Variants in VSX2 observed in about 807,000 individuals in gnomAD.
The protein encoded by VSX2 is ceh-10 homeo domain containing homolog.
In VSX2, 28 loss-of-function variants were observed where a neutral mutation model predicts 32.1. That is an observed-to-expected ratio of 0.87 (90% CI 0.65 to 1.20). The LOEUF (loss-of-function observed/expected upper bound fraction) is 1.20. VSX2 is among the 50% of genes most tolerant of loss of function. The probability of loss-of-function intolerance (pLI) is 0.00; values close to 1 mark genes in which losing one functional copy is unlikely to be tolerated. For missense variants in VSX2, 506 were observed against 488.7 expected (o/e 1.04, Z -0.33); for synonymous variants, 243 against 214.1 (o/e 1.14, Z -1.18).
intron 3 of VSX2, among the ~76,000 whole-genome samples, chr14:74,250,213 G>C (rs182493456): frequency 6.7e-6 from 1 of 150,336 alleles, no homozygotes; most frequent in East Asian, 2.0e-4. Context: ...CCTCAGCCTG[G>C]GTGACACAGC....
rs1386791741 is a variant in VSX2, at chr14:74,248,719, G to A, written c.579+3431G>A. Among the ~76,000 whole-genome samples, 20 of 146,762 alleles carry A rather than the reference G, an allele frequency of 1.4e-4. 1 individual carries two copies. The highest frequency in any genetic ancestry group is 6.8e-5 in the Admixed American group (1 of 14,722). ...AACAAACGAACAAAAAAAAAAAACA[G>A]AGAGAAATTATCAAGTTGGAATGGA... is the stretch of plus-strand genomic sequence containing the variant. On this transcript the variant is annotated intron_variant, in intron 3 of 4. Transcript: ENST00000261980.
At chr14:74,251,909 T>C (rs1426665127) in intron 3 of VSX2, among the ~76,000 whole-genome samples, 3 of 152,180 alleles carry the variant, frequency 2.0e-5, no homozygotes, top group South Asian at 2.1e-4. Context: ...GGGAAAGTGA[T>C]GGACGCTCAC....
intron 3 of VSX2, among the ~76,000 whole-genome samples, chr14:74,252,378 G>A (rs944897765): frequency 6.9e-6 from 1 of 145,610 alleles, no homozygotes; most frequent in Non-Finnish European, 1.5e-5. Flanking sequence ...CACACAACCT[G>A]GGCTTTCTTT....
At position 74,261,540 on chromosome 14, in the gene VSX2, T is replaced by C. The variant is rs1318267881; in HGVS notation, c.*621T>C. On this transcript the variant is annotated 3_prime_UTR_variant, in exon 5 of 5. Coordinates refer to ENST00000261980, the MANE Select transcript of VSX2 (RefSeq NM_182894.3). The stretch of plus-strand genomic sequence containing the variant: ...GTGGAGTCCAGATGGCAGGCTACAG[T>C]TGGGAAGTCTCAGCCTGGGCCCCTC... The C allele has an allele frequency of 6.5e-6, 1 of 152,824 alleles. No individual in the cohort carries two copies. Among genetic ancestry groups the C allele is most frequent in the Non-Finnish European group, 1.5e-5 (1 of 68,560 alleles). The allele number at this position is 152,824 out of a possible 1,614,324, so 9.5% of individuals were successfully genotyped here. A position where few individuals can be genotyped will look rare whatever the true frequency, so the allele number is the denominator to read the frequency against.
chr14:74,245,344 C>T (rs2079185700), intron 3 of VSX2, 56 bp downstream of exon 3: 1 of 1,608,552 alleles, frequency 6.2e-7, no homozygotes, highest in East Asian at 2.2e-5. Flanking sequence ...TGACATCTAC[C>T]ACTCCAGGGT....
At chr14:74,240,324 C>G (rs1245030832) in intron 1 of VSX2, among the ~76,000 whole-genome samples, 1 of 152,190 alleles carries the variant, frequency 6.6e-6, no homozygotes, top group South Asian at 2.1e-4. Flanking sequence ...CCGCACTCCT[C>G]GAGCCCGATG....
intron 3 of VSX2, among the ~76,000 whole-genome samples, chr14:74,251,310 C>T (rs2079227661): frequency 1.3e-5 from 2 of 152,196 alleles, no homozygotes; most frequent in South Asian, 4.1e-4. Context: ...ATTAGCCGGG[C>T]ATGATGGCGG....
Position 74,260,815 on chromosome 14 carries a change from G to T in VSX2, c.982G>T (p.Asp328Tyr), listed in dbSNP as rs1190579944. The change falls in exon 5 of 5, where the codon GAC (aspartate) becomes TAC (tyrosine). Residue 328 changes from aspartate (D) to tyrosine (Y), a missense_variant. Physicochemically the swap from Asp to Tyr is radical, Grantham distance 160. Coordinates refer to ENST00000261980, the MANE Select transcript of VSX2 (RefSeq NM_182894.3). Reference protein sequence around the residue: ...TKVLGTVSGPDSLARSTEKPE... With the variant: ...TKVLGTVSGPYSLARSTEKPE... ...AGTGCTGGGGACTGTGTCTGGGCCGGACAGCCTGGCCCGGAGTACCGAGAA... is the reference window on the plus strand; with the variant it reads ...AGTGCTGGGGACTGTGTCTGGGCCGTACAGCCTGGCCCGGAGTACCGAGAA... 1 of 1,569,596 alleles carries T rather than the reference G, an allele frequency of 6.4e-7. No homozygotes were observed. The highest frequency in any genetic ancestry group is 1.2e-5 in the South Asian group (1 of 85,458).
At chr14:74,244,593 CTG>C (rs1293865410) in intron 2 of VSX2, among the ~76,000 whole-genome samples, 2 of 152,062 alleles carry the variant, frequency 1.3e-5, no homozygotes, top group Admixed American at 1.3e-4. Flanking sequence ...GCTCTAGTGA[CTG>C]TGAGAGGGGC....
intron 3 of VSX2, among the ~76,000 whole-genome samples, chr14:74,249,741 T>A (rs1035810083): frequency 6.6e-6 from 1 of 152,158 alleles, no homozygotes; most frequent in Non-Finnish European, 1.5e-5. Context: ...TGCCTCTCTA[T>A]ACAAACTGTA....
chr14:74,244,947 T>C (rs1202949373), intron 2 of VSX2, among the ~76,000 whole-genome samples: 3 of 26,182 alleles, frequency 1.1e-4, no homozygotes, highest in South Asian at 9.0e-4. Flanking sequence ...AGAGAGAAAG[T>C]GTGTGTGTGT....
chr14:74,260,476 G>T, intron 4 of VSX2, 118 bp from the exon 5 acceptor site: 1 of 1,047,758 alleles, frequency 9.5e-7, no homozygotes, highest in Non-Finnish European at 1.4e-6. Context: ...ACTGCGGTGT[G>T]GGGAGTAAGG....
In VSX2 at chr14:74,259,797, C is replaced by A. The variant is rs1303603127; in HGVS notation, c.760+15C>A. 19 of 1,497,466 alleles carry A rather than the reference C, an allele frequency of 1.3e-5. No homozygotes were observed. The highest frequency in any genetic ancestry group is 4.8e-5 in the African/African-American group (2 of 41,668). 92.8% of individuals were successfully genotyped at this position (1,497,466 alleles called of 1,614,324 possible). A position where few individuals can be genotyped will look rare whatever the true frequency, so the allele number is the denominator to read the frequency against. On this transcript the variant is annotated intron_variant, in intron 4 of 4. Coordinates refer to ENST00000261980, the MANE Select transcript of VSX2 (RefSeq NM_182894.3). ...GTGGCTACTGGGTAAGAGCCCGCAC[C>A]CTCCTTGGGGTCCTGCCCTGCGGTG...
intron 3 of VSX2, among the ~76,000 whole-genome samples, chr14:74,257,395 A>C (rs2079270916): frequency 6.6e-6 from 1 of 152,224 alleles, no homozygotes; most frequent in Non-Finnish European, 1.5e-5. Flanking sequence ...CCAAACCCGG[A>C]GGCAGCAAAA....
chr14:74,257,719 C>CA (rs1555388435), intron 3 of VSX2, among the ~76,000 whole-genome samples: 8 of 150,700 alleles, frequency 5.3e-5, no homozygotes, highest in South Asian at 4.2e-4. Context: ...ACCCCCCACC[C>CA]ACTTCCCCCG....
intron 3 of VSX2, among the ~76,000 whole-genome samples, chr14:74,256,762 C>T (rs559684507): frequency 1.3e-5 from 2 of 149,282 alleles, no homozygotes; most frequent in Admixed American, 1.3e-4. Flanking sequence ...CAACCTCCAC[C>T]TCCCAGGTTC....
chr14:74,245,263 C>T lies in VSX2; in HGVS notation c.554C>T (p.Thr185Met), dbSNP rs751830363. The T allele has an allele frequency of 2.1e-5, 34 of 1,613,432 alleles. No homozygotes were observed. The highest frequency in any genetic ancestry group is 4.5e-5 in the East Asian group (2 of 44,830). ...GCCCGGGAGATGCTGGCCATGAAAACGGAGCTGCCGGAAGACAGGATACAG... is the reference window on the plus strand; with the variant it reads ...GCCCGGGAGATGCTGGCCATGAAAATGGAGCTGCCGGAAGACAGGATACAG... ...VYAREMLAMK[T>M]ELPEDRIQVW... The change falls in exon 3 of 5, where the codon ACG (threonine) becomes ATG (methionine). Residue 185 changes from threonine to methionine, a missense_variant. By Grantham distance (81) the Thr-to-Met change is moderately conservative. Coordinates refer to ENST00000261980, the MANE Select transcript of VSX2 (RefSeq NM_182894.3).
chr14:74,257,095 C>T (rs998286235), intron 3 of VSX2, among the ~76,000 whole-genome samples: 3 of 152,174 alleles, frequency 2.0e-5, no homozygotes, highest in Non-Finnish European at 2.9e-5. Context: ...CCCAGACAAA[C>T]CGCAGGCCCC....
At chr14:74,239,993 G>T in intron 1 of VSX2, 62 bp downstream of exon 1, 1 of 1,532,896 alleles carries the variant, frequency 6.5e-7, no homozygotes. Context: ...GCCCCGCGCC[G>T]TCGGCTCTCG....
Sources: allele counts gnomAD v4.1 joint callset (sites outside exome capture counted in the v4.1 genomes callset), GRCh38; gene constraint gnomAD v4.1.1; transcripts MANE v1.5; gene names NCBI Gene and HGNC (gene_info 2026-07-23, HGNC 2026-07-21).